The following COL4A5 variants were observed in gnomAD, a reference collection of about 807,000 sequenced individuals.
COL4A5 encodes the protein collagen alpha-5(IV) chain.
In COL4A5, 26 loss-of-function variants were observed where a neutral mutation model predicts 130.2. The observed-to-expected ratio is 0.20, with a 90% CI of 0.15 to 0.28. COL4A5 has a LOEUF of 0.28. Ranked by LOEUF, COL4A5 falls within the 10% of genes least tolerant of loss-of-function variation. The probability of loss-of-function intolerance (pLI) is 1.00; values close to 1 mark genes in which losing one functional copy is unlikely to be tolerated. For synonymous variants in COL4A5, 496 were observed against 439.6 expected (o/e 1.13, Z -1.60); for missense variants, 1,131 against 1,344.3 (o/e 0.84, Z 2.48).
chrX:108,632,994 C>T (rs910684219), intron 36 of COL4A5, among the ~76,000 whole-genome samples: 5 of 110,802 alleles, frequency 4.5e-5, no homozygotes, highest in Admixed American at 1.9e-4. Context: ...ATCAGGCAGG[C>T]GAAAGAAATA....
At chrX:108,451,672 A>G (rs1236637448) in intron 1 of COL4A5, among the ~76,000 whole-genome samples, 92 of 107,943 alleles carry the variant, frequency 8.5e-4, no homozygotes, top group African/African-American at 2.9e-3. Flanking sequence ...CATGTCCTTC[A>G]CCCACTTTTT....
At chrX:108,554,031 C>T (rs1326949934) in intron 2 of COL4A5, among the ~76,000 whole-genome samples, 1 of 111,488 alleles carries the variant, frequency 9.0e-6, no homozygotes, top group Non-Finnish European at 1.9e-5. Context: ...AATTAATCTA[C>T]AGTGACAGAA....
chrX:108,625,847 AAT>A, intron 35 of COL4A5, 53 bp downstream of exon 35: 1 of 919,204 alleles, frequency 1.1e-6, no homozygotes, highest in Non-Finnish European at 1.6e-6. Flanking sequence ...AAGGTGGTTC[AAT>A]ATCTCTTTTT....
intron 1 of COL4A5, among the ~76,000 whole-genome samples, chrX:108,494,383 G>A (rs1165421881): frequency 8.9e-6 from 1 of 111,916 alleles, no homozygotes; most frequent in Admixed American, 9.5e-5. Context: ...AAGAAAAGAT[G>A]TAATACAATT....
intron 28 of COL4A5, 82 bp from the exon 29 acceptor site, chrX:108,606,660 G>A: frequency 4.8e-6 from 5 of 1,038,757 alleles, no homozygotes; most frequent in East Asian, 3.0e-5. Context: ...TTGTATTTTC[G>A]GCATTAAATT....
In COL4A5 at chrX:108,689,454, C is replaced by T. The variant is rs763129436; in HGVS notation, c.4528+1760C>T. The T allele has an allele frequency of 8.0e-5, 60 of 751,220 alleles. No homozygotes were observed. In the South Asian group the frequency reaches 2.3e-3, roughly 29 times the overall value. 61.9% of individuals were successfully genotyped at this position (751,220 alleles called of 1,213,427 possible). ...ATCTGCTATCAGCATGTAATTATAA[C>T]TTTTCAGAATCCATGTATTTTCTCT... On this transcript the variant is annotated intron_variant, in intron 49 of 52. Transcript: ENST00000328300.
intron 37 of COL4A5, among the ~76,000 whole-genome samples, chrX:108,657,310 T>A (rs1225701162): frequency 9.0e-6 from 1 of 111,404 alleles, no homozygotes; most frequent in East Asian, 2.8e-4. Flanking sequence ...GCCAAATGAC[T>A]GTACATGTGG....
rs144586397 is a variant in COL4A5 at position 108,581,000 on chromosome X, T to C, written c.909T>C (p.Asp303=). The C allele has an allele frequency of 8.4e-4, 1,017 of 1,207,337 alleles. 17 individuals are homozygous for C. In the Admixed American group the frequency reaches 0.021, roughly 25 times the overall value. The change falls in exon 16 of 53, where the codon GAT becomes GAC. Residue 303 remains aspartate, a synonymous_variant. Coordinates refer to ENST00000328300, the MANE Select transcript of COL4A5 (RefSeq NM_033380.3). ...TCCTATAGGGTAAACCAGGCAAAGA[T>C]GGAGAAAATGGCCAACCAGGAATTC... is the stretch of plus-strand genomic sequence containing the variant. The part of the protein sequence containing the change: ...EPGKRGKPGK[D]GENGQPGIPG...
At chrX:108,534,720 G>T (rs184869479) in intron 1 of COL4A5, among the ~76,000 whole-genome samples, 1 of 111,144 alleles carries the variant, frequency 9.0e-6, no homozygotes, top group Admixed American at 9.5e-5. Flanking sequence ...TCTTGAAGGC[G>T]GTCTGTCTTG....
At chrX:108,570,315 ATTTG>A (rs1294824692) in intron 6 of COL4A5, among the ~76,000 whole-genome samples, 11 of 111,594 alleles carry the variant, frequency 9.9e-5, no homozygotes, top group South Asian at 3.7e-4. Flanking sequence ...TCTTCTGGTT[ATTTG>A]TTTATTTTTA....
intron 18 of COL4A5, among the ~76,000 whole-genome samples, chrX:108,585,682 A>T (rs1003084687): frequency 1.3e-4 from 14 of 111,515 alleles, no homozygotes; most frequent in African/African-American, 4.2e-4. Flanking sequence ...ATTTACCTTT[A>T]TAGGTCTATA....
At chrX:108,460,585 A>T (rs1188858313) in intron 1 of COL4A5, among the ~76,000 whole-genome samples, 2 of 103,303 alleles carry the variant, frequency 1.9e-5, no homozygotes, top group Non-Finnish European at 3.9e-5. Flanking sequence ...TGCCTCCCGG[A>T]TTCAAGCAAT....
intron 1 of COL4A5, among the ~76,000 whole-genome samples, chrX:108,520,023 T>C (rs981323161): frequency 1.8e-5 from 2 of 111,774 alleles, no homozygotes; most frequent in African/African-American, 6.5e-5. Flanking sequence ...CTTTTTCTTT[T>C]CTTTCAATAA....
intron 1 of COL4A5, among the ~76,000 whole-genome samples, chrX:108,458,012 C>G (rs763251106): frequency 8.6e-4 from 96 of 111,906 alleles, no homozygotes; most frequent in Non-Finnish European, 1.7e-3. Context: ...CGGATATGCT[C>G]TGCCATTTGG....
At chrX:108,600,993 T>A (rs750553249) in intron 25 of COL4A5, among the ~76,000 whole-genome samples, 1 of 111,795 alleles carries the variant, frequency 8.9e-6, no homozygotes, top group African/African-American at 3.3e-5. Context: ...GATTGGATGG[T>A]ACCCACACAC....
intron 36 of COL4A5, among the ~76,000 whole-genome samples, chrX:108,637,624 A>ATGGTAGTACCATACTAAAGTAC (rs2067381029): frequency 1.8e-5 from 2 of 111,919 alleles, no homozygotes; most frequent in Admixed American, 9.5e-5. Flanking sequence ...TACCAATCTT[A>ATGGTAGTACCATACTAAAGTAC]CAGAACTAAA....
intron 1 of COL4A5, among the ~76,000 whole-genome samples, chrX:108,458,751 C>A (rs962302386): frequency 9.0e-6 from 1 of 111,624 alleles, no homozygotes. Context: ...GAGGCCGAGG[C>A]GGGTGGATCA....
At chrX:108,638,072 A>G (rs887376303) in intron 36 of COL4A5, among the ~76,000 whole-genome samples, 1 of 111,300 alleles carries the variant, frequency 9.0e-6, no homozygotes, top group African/African-American at 3.3e-5. Context: ...TCATTATATT[A>G]TACCTGGATT....
intron 1 of COL4A5, among the ~76,000 whole-genome samples, chrX:108,445,575 A>G (rs1043929517): frequency 8.0e-5 from 9 of 111,830 alleles, no homozygotes; most frequent in African/African-American, 2.9e-4. Flanking sequence ...ACTTTCCCTT[A>G]TTATAGTATC....
Sources: gnomAD v4.1 joint callset for allele counts (sites outside exome capture counted in the v4.1 genomes callset) on GRCh38, gnomAD v4.1.1 for gene constraint, MANE v1.5 for transcripts, NCBI Gene and HGNC (gene_info 2026-07-23, HGNC 2026-07-21) for gene names.